Variants in KCNV1 observed in about 807,000 individuals in gnomAD.
The protein encoded by KCNV1 is potassium voltage-gated channel subfamily V member 1.
Under a neutral mutation model 36.4 loss-of-function variants are expected in KCNV1, and 2 were observed. The ratio of observed to expected loss-of-function variants is 0.05; its 90% CI spans 0.02 to 0.17. The LOEUF (loss-of-function observed/expected upper bound fraction) is 0.17, where lower values mean the gene tolerates loss of function less well. Ranked by LOEUF, KCNV1 falls within the 10% of genes least tolerant of loss-of-function variation. The probability of loss-of-function intolerance (pLI) is 1.00; values close to 1 mark genes in which losing one functional copy is unlikely to be tolerated. For missense variants in KCNV1, 321 were observed against 643.6 expected (o/e 0.50, Z 5.42); for synonymous variants, 280 against 261.1 (o/e 1.07, Z -0.70).
rs1333163812 is a variant in KCNV1, at chr8:109,972,767, A to C, written c.482T>G (p.Leu161Arg). Residue 161 changes from leucine (L) to arginine (R), a missense_variant, in exon 3 of 4, where the codon CTG (leucine) becomes CGG (arginine). Leu to Arg is a moderately radical substitution (Grantham distance 102). Coordinates refer to ENST00000524391, the MANE Select transcript of KCNV1 (RefSeq NM_014379.4). This position sits in a 1 kb window ranked among gnomAD's most constrained non-coding sequence, Gnocchi z 5.2. ...CRDRYFRRKE[L>R]SETLDFKKDT... Reference sequence around the variant, plus strand: ...CTTCTTGAAGTCTAAAGTTTCACTCAGCTCTTTCCTTCTGAAGTATCTTTT... The same window carrying C: ...CTTCTTGAAGTCTAAAGTTTCACTCCGCTCTTTCCTTCTGAAGTATCTTTT... 1 of 1,606,824 alleles carries C rather than the reference A, an allele frequency of 6.2e-7. No individual in the cohort carries two copies. The highest frequency in any genetic ancestry group is 8.5e-7 in the Non-Finnish European group (1 of 1,177,504).
At chr8:109,973,227 C>A (rs902559351) in intron 2 of KCNV1, among the ~76,000 whole-genome samples, 1 of 152,148 alleles carries the variant, frequency 6.6e-6, no homozygotes, top group South Asian at 2.1e-4. Flanking sequence ...AGTGATCCAC[C>A]CGCCTCGGCC....
In KCNV1 at chr8:109,968,659, C is replaced by T; in HGVS notation, c.992-60G>A. 2 of 1,521,122 alleles carry T rather than the reference C, an allele frequency of 1.3e-6. No homozygotes were observed. The highest frequency in any genetic ancestry group is 1.8e-6 in the Non-Finnish European group (2 of 1,127,284). The allele number at this position is 1,521,122 out of a possible 1,614,324, so 94.2% of individuals were successfully genotyped here. A position where few individuals can be genotyped will look rare whatever the true frequency, so the allele number is the denominator to read the frequency against. On this transcript the variant is annotated intron_variant, in intron 3 of 3. Coordinates refer to ENST00000524391, the MANE Select transcript of KCNV1 (RefSeq NM_014379.4). The surrounding 1 kb of genome is among the most constrained non-coding windows in gnomAD (Gnocchi z 5.3). ...CCCTCTTCTCTCTCTTCCTTCCCTCCCCTCCCCTCTCCCTCCTTGCTCTGC... is the reference window on the plus strand; with the variant it reads ...CCCTCTTCTCTCTCTTCCTTCCCTCTCCTCCCCTCTCCCTCCTTGCTCTGC...
At chr8:109,970,000 G>T (rs553629342) in intron 3 of KCNV1, among the ~76,000 whole-genome samples, 37 of 151,992 alleles carry the variant, frequency 2.4e-4, no homozygotes, top group African/African-American at 8.5e-4. Context: ...AAATGATATT[G>T]CCCCAGAAGT....
chr8:109,974,099 A>C lies in KCNV1; in HGVS notation c.290T>G (p.Val97Gly), dbSNP rs1366253607. The change falls in exon 2 of 4, where the codon GTG becomes GGG. Residue 97 changes from valine to glycine, a missense_variant. By Grantham distance (109) the Val-to-Gly change is moderately radical (BLOSUM62 -3). Transcript: ENST00000524391. This position sits in a 1 kb window ranked among gnomAD's most constrained non-coding sequence, Gnocchi z 6.2. ...GCGGTCGAAGAAGTACTCGTTGTCCACGGGGTTGGCATCGTCGCAAAGCTC... is the reference window on the plus strand; with the variant it reads ...GCGGTCGAAGAAGTACTCGTTGTCCCCGGGGTTGGCATCGTCGCAAAGCTC... Reference protein sequence around the residue: ...PLELCDDANPVDNEYFFDRSS... With the variant: ...PLELCDDANPGDNEYFFDRSS... 1 of 1,613,270 alleles carries C rather than the reference A, an allele frequency of 6.2e-7. No homozygotes were observed. Among genetic ancestry groups the C allele is most frequent in the South Asian group, 1.1e-5 (1 of 90,956 alleles).
At position 109,974,571 on chromosome 8, in the gene KCNV1, G is replaced by T; in HGVS notation, c.-183C>A. The T allele has an allele frequency of 1.7e-6, 1 of 593,162 alleles. No homozygotes were observed. 36.7% of individuals were successfully genotyped at this position (593,162 alleles called of 1,614,324 possible). ...GTGCGCCTTCCTCCTCCTGCCGCTA[G>T]GGAGCCGGGAGTGCGCGGAAGCAGC... is the stretch of plus-strand genomic sequence containing the variant. On this transcript the variant is annotated 5_prime_UTR_variant, in exon 2 of 4. Coordinates refer to ENST00000524391, the MANE Select transcript of KCNV1 (RefSeq NM_014379.4). The surrounding 1 kb of genome is among the most constrained non-coding windows in gnomAD (Gnocchi z 6.2).
In KCNV1 at chr8:109,963,781, C is replaced by A. The variant is rs1819913376; in HGVS notation, c.*4307G>T. 1 of 152,072 alleles carries A rather than the reference C, an allele frequency of 6.6e-6. No homozygotes were observed. The highest frequency in any genetic ancestry group is 1.5e-5 in the Non-Finnish European group (1 of 67,998). The allele number at this position is 152,072 out of a possible 1,614,324, so 9.4% of individuals were successfully genotyped here. A position where few individuals can be genotyped will look rare whatever the true frequency, so the allele number is the denominator to read the frequency against. On this transcript the variant is annotated 3_prime_UTR_variant, in exon 4 of 4. Coordinates refer to ENST00000524391, the MANE Select transcript of KCNV1 (RefSeq NM_014379.4). Reference sequence around the variant, plus strand: ...CTTTGCATTAAAATGATAAATGCAACAATTTCTTGTATGTTATAGAAATAA... The same window carrying A: ...CTTTGCATTAAAATGATAAATGCAAAAATTTCTTGTATGTTATAGAAATAA...
In KCNV1 at chr8:109,972,084, G is replaced by A. The variant is rs955322219; in HGVS notation, c.991+174C>T. Among the ~76,000 whole-genome samples, 4 of 152,172 alleles carry A rather than the reference G, an allele frequency of 2.6e-5. No individual in the cohort carries two copies. The highest frequency in any genetic ancestry group is 9.7e-5 in the African/African-American group (4 of 41,438). On this transcript the variant is annotated intron_variant, in intron 3 of 3. Coordinates refer to ENST00000524391, the MANE Select transcript of KCNV1 (RefSeq NM_014379.4). The surrounding 1 kb of genome is among the most constrained non-coding windows in gnomAD (Gnocchi z 5.2). ...TGAGAGCTCATTTCTCTATACCTGT[G>A]ATAGCAACTTCAATGTTTTGCCTCC... is the stretch of plus-strand genomic sequence containing the variant.
At position 109,968,023 on chromosome 8, in the gene KCNV1, C is replaced by T; in HGVS notation, c.*65G>A. The T allele has an allele frequency of 6.8e-7, 1 of 1,476,092 alleles. No homozygotes were observed. The highest frequency in any genetic ancestry group is 2.1e-5 in the Admixed American group (1 of 48,328). 91.4% of individuals were successfully genotyped at this position (1,476,092 alleles called of 1,614,324 possible). On this transcript the variant is annotated 3_prime_UTR_variant, in exon 4 of 4. Transcript: ENST00000524391. This position sits in a 1 kb window ranked among gnomAD's most constrained non-coding sequence, Gnocchi z 5.3. ...AGACTCATCATCAGAATACAGAAAT[C>T]CACATCACTGCTTTATCATTTTAGT...
Position 109,974,678 on chromosome 8 carries a change from A to G in KCNV1, c.-290T>C. 2.0e-6 allele frequency: 1 copy of G among 489,076 alleles called. No individual in the cohort carries two copies. The highest frequency in any genetic ancestry group is 3.6e-6 in the Non-Finnish European group (1 of 274,910). 30.3% of individuals were successfully genotyped at this position (489,076 alleles called of 1,614,324 possible). The stretch of plus-strand genomic sequence containing the variant: ...GGATCAGGTGAGGTCCAAGCCCGAC[A>G]CAGTCCCTGTGCACACTGCCGGTCG... On this transcript the variant is annotated 5_prime_UTR_variant, in exon 2 of 4. Transcript: ENST00000524391. This position sits in a 1 kb window ranked among gnomAD's most constrained non-coding sequence, Gnocchi z 6.2.
chr8:109,967,775 A>G lies in KCNV1; in HGVS notation c.*313T>C, dbSNP rs1819961196. On this transcript the variant is annotated 3_prime_UTR_variant, in exon 4 of 4. Transcript: ENST00000524391. Reference sequence around the variant, plus strand: ...AAAAAACTTCTAATGTTAGTGATACATAAAATCTTTAACTTTTTTGTATGT... The same window carrying G: ...AAAAAACTTCTAATGTTAGTGATACGTAAAATCTTTAACTTTTTTGTATGT... 1 of 216,220 alleles carries G rather than the reference A, an allele frequency of 4.6e-6. No homozygotes were observed. 13.4% of individuals were successfully genotyped at this position (216,220 alleles called of 1,614,324 possible). A position where few individuals can be genotyped will look rare whatever the true frequency, so the allele number is the denominator to read the frequency against.
In KCNV1 at chr8:109,964,236, T is replaced by C. The variant is rs1343499138; in HGVS notation, c.*3852A>G. The C allele has an allele frequency of 1.3e-5, 2 of 151,230 alleles. No individual in the cohort carries two copies. Among genetic ancestry groups the C allele is most frequent in the Non-Finnish European group, 2.9e-5 (2 of 67,890 alleles). 9.4% of individuals were successfully genotyped at this position (151,230 alleles called of 1,614,324 possible). On this transcript the variant is annotated 3_prime_UTR_variant, in exon 4 of 4. Transcript: ENST00000524391. ...AAAACATACATGCAGCCAACAATGA[T>C]ATGAAAAAAAGCCTCAATATCACTG... is the stretch of plus-strand genomic sequence containing the variant.
At chr8:109,971,674 G>A (rs1317124212) in intron 3 of KCNV1, among the ~76,000 whole-genome samples, 3 of 151,670 alleles carry the variant, frequency 2.0e-5, no homozygotes, top group South Asian at 2.1e-4. Context: ...ACTAGATAAA[G>A]CATTTAATTA....
Position 109,964,996 on chromosome 8 carries a change from GTTAAA to G in KCNV1, c.*3087_*3091del, listed in dbSNP as rs1163866055. 4 of 152,160 alleles carry G rather than the reference GTTAAA, an allele frequency of 2.6e-5. No homozygotes were observed. Among genetic ancestry groups the G allele is most frequent in the African/African-American group, 9.6e-5 (4 of 41,458 alleles). The allele number at this position is 152,160 out of a possible 1,614,324, so 9.4% of individuals were successfully genotyped here. On this transcript the variant is annotated 3_prime_UTR_variant, in exon 4 of 4. Coordinates refer to ENST00000524391, the MANE Select transcript of KCNV1 (RefSeq NM_014379.4). ...ATGTATCCCTGAACTTAAAATAACA[GTTAAA>G]TTAACAAAGAAAGTGGCTAACACGG...
rs1819961944 is a variant in KCNV1, at chr8:109,967,829, A to G, written c.*259T>C. On this transcript the variant is annotated 3_prime_UTR_variant, in exon 4 of 4. Transcript: ENST00000524391. ...GCAATAACATTATTTTATATTTGAC[A>G]ATTCAAACATGTTTATATTGGCCCA... 2.9e-6 allele frequency: 1 copy of G among 348,038 alleles called. No homozygotes were observed. Among genetic ancestry groups the G allele is most frequent in the Non-Finnish European group, 5.2e-6 (1 of 191,328 alleles). 21.6% of individuals were successfully genotyped at this position (348,038 alleles called of 1,614,324 possible).
chr8:109,973,891 C>G (rs1435403703), intron 2 of KCNV1, 37 bp downstream of exon 2: 1 of 1,503,184 alleles, frequency 6.7e-7, no homozygotes, highest in Non-Finnish European at 9.0e-7. Flanking sequence ...CTGCCGCGCC[C>G]GCCTCCCCGC....
rs1440205110 is a variant in KCNV1, at chr8:109,964,304, C to T, written c.*3784G>A. ...AATCAAAACCATAATGAGATACCAT[C>T]TCACACTAGTCAGAATGGCTATTAT... On this transcript the variant is annotated 3_prime_UTR_variant, in exon 4 of 4. Transcript: ENST00000524391. 1 of 151,742 alleles carries T rather than the reference C, an allele frequency of 6.6e-6. No individual in the cohort carries two copies. The highest frequency in any genetic ancestry group is 1.5e-5 in the Non-Finnish European group (1 of 67,978). 9.4% of individuals were successfully genotyped at this position (151,742 alleles called of 1,614,324 possible).
At position 109,974,590 on chromosome 8, in the gene KCNV1, A is replaced by G. The variant is rs930063933; in HGVS notation, c.-202T>C. The G allele has an allele frequency of 5.3e-5, 31 of 588,818 alleles. No individual in the cohort carries two copies. Among genetic ancestry groups the G allele is most frequent in the Non-Finnish European group, 7.5e-5 (25 of 333,130 alleles). The allele number at this position is 588,818 out of a possible 1,614,324, so 36.5% of individuals were successfully genotyped here. A position where few individuals can be genotyped will look rare whatever the true frequency, so the allele number is the denominator to read the frequency against. On this transcript the variant is annotated 5_prime_UTR_variant, in exon 2 of 4. Coordinates refer to ENST00000524391, the MANE Select transcript of KCNV1 (RefSeq NM_014379.4). The surrounding 1 kb of genome is among the most constrained non-coding windows in gnomAD (Gnocchi z 6.2). ...CCGCTAGGGAGCCGGGAGTGCGCGG[A>G]AGCAGCGCACAAGTGGCAGAAAGAG...
Position 109,972,382 on chromosome 8 carries a change from A to C in KCNV1, c.867T>G (p.Thr289=), listed in dbSNP as rs952312115. The change falls in exon 3 of 4, where the codon ACT becomes ACG. Residue 289 remains threonine, a synonymous_variant. Coordinates refer to ENST00000524391, the MANE Select transcript of KCNV1 (RefSeq NM_014379.4). This position sits in a 1 kb window ranked among gnomAD's most constrained non-coding sequence, Gnocchi z 5.2. ...DLLAILPFYI[T]LLVESLSGSQ... ...TCCCACTTAGGCTCTCTACCAGAAG[A>C]GTGATGTAGAAGGGCAAGATGGCAA... 1.2e-6 allele frequency: 2 copies of C among 1,614,020 alleles called. No homozygotes were observed. The highest frequency in any genetic ancestry group is 1.7e-5 in the Admixed American group (1 of 59,994).
At chr8:109,969,021 A>T (rs1180992041) in intron 3 of KCNV1, among the ~76,000 whole-genome samples, 1 of 152,174 alleles carries the variant, frequency 6.6e-6, no homozygotes, top group Non-Finnish European at 1.5e-5. Context: ...GCATCATTTT[A>T]GCACTTGTTT....
Sources: allele counts gnomAD v4.1 joint callset (sites outside exome capture counted in the v4.1 genomes callset), GRCh38; gene constraint gnomAD v4.1.1; non-coding constraint Gnocchi (gnomAD v3.1); transcripts MANE v1.5; gene names NCBI Gene and HGNC (gene_info 2026-07-23, HGNC 2026-07-21).